Variants in THAP4 observed in about 807,000 individuals in gnomAD.
THAP4 encodes peroxynitrite isomerase THAP4.
In THAP4, 18 loss-of-function variants were observed where a neutral mutation model predicts 48.1. That is an observed-to-expected ratio of 0.37 (90% CI 0.26 to 0.56). The LOEUF is 0.56. THAP4 is among the 20% of genes least tolerant of loss of function. The pLI, the probability that THAP4 is intolerant of heterozygous loss-of-function variation, is 0.78. For synonymous variants in THAP4, 345 were observed against 324.9 expected (o/e 1.06, Z -0.66); for missense variants, 656 against 774.9 (o/e 0.85, Z 1.82).
chr2:241,624,580 T>C (rs1451521854), intron 2 of THAP4, among the ~76,000 whole-genome samples: 3 of 151,502 alleles, frequency 2.0e-5, no homozygotes, highest in South Asian at 2.1e-4. Flanking sequence ...CCCTGTGGAG[T>C]TGGGGTGCAC....
At chr2:241,631,253 G>A (rs900294210) in intron 2 of THAP4, among the ~76,000 whole-genome samples, 3 of 152,080 alleles carry the variant, frequency 2.0e-5, no homozygotes, top group Non-Finnish European at 1.5e-5. Flanking sequence ...GATCCAGGAG[G>A]TCCTGAAAAT....
intron 2 of THAP4, among the ~76,000 whole-genome samples, chr2:241,613,328 G>A (rs1348017533): frequency 6.6e-6 from 1 of 151,738 alleles, no homozygotes; most frequent in East Asian, 1.9e-4. Flanking sequence ...GGTTATAGGT[G>A]GTAGATGCCT....
intron 3 of THAP4, among the ~76,000 whole-genome samples, chr2:241,603,567 T>C (rs1165914279): frequency 6.6e-6 from 1 of 152,070 alleles, no homozygotes; most frequent in Non-Finnish European, 1.5e-5. Context: ...CCTCAGCTCC[T>C]GAAGACAGCA....
At chr2:241,585,912 CAA>C (rs1175852721) in intron 5 of THAP4, among the ~76,000 whole-genome samples, 6 of 28,282 alleles carry the variant, frequency 2.1e-4, no homozygotes, top group Non-Finnish European at 3.6e-4. Context: ...GACTCCTTCT[CAA>C]AAAAAAAAAA....
chr2:241,597,081 T>A (rs2067059147), intron 5 of THAP4, among the ~76,000 whole-genome samples: 1 of 152,224 alleles, frequency 6.6e-6, no homozygotes, highest in Non-Finnish European at 1.5e-5. Flanking sequence ...TCCATTACAA[T>A]CTTATGGCCT....
At position 241,616,098 on chromosome 2, in the gene THAP4, A is replaced by T. The variant is rs1379648798; in HGVS notation, c.1241-9625T>A. The stretch of plus-strand genomic sequence containing the variant: ...AGGTGAGCACAGCTGGCTCCTCAGA[A>T]GAACTGGGCTTATCTGAAGTCTGGT... On this transcript the variant is annotated intron_variant, in intron 2 of 5. Transcript: ENST00000407315. This position sits in a 1 kb window ranked among gnomAD's most constrained non-coding sequence, Gnocchi z 4.6. 6.6e-6 allele frequency among the ~76,000 whole-genome samples: 1 copy of T among 152,240 alleles called. No homozygotes were observed.
chr2:241,617,247 T>C (rs2067359823), intron 2 of THAP4, among the ~76,000 whole-genome samples: 2 of 152,250 alleles, frequency 1.3e-5, no homozygotes, highest in Admixed American at 1.3e-4. Flanking sequence ...ATTTGTCACT[T>C]TCCACCTCTT....
chr2:241,620,263 G>GATGA (rs1559230896), intron 2 of THAP4, among the ~76,000 whole-genome samples: 1 of 92,472 alleles, frequency 1.1e-5, no homozygotes. Flanking sequence ...GTGAGTGAGG[G>GATGA]GTGAGGGGTG....
At chr2:241,620,199 G>T (rs2067407801) in intron 2 of THAP4, among the ~76,000 whole-genome samples, 3 of 74,606 alleles carry the variant, frequency 4.0e-5, no homozygotes, top group African/African-American at 5.5e-5. Context: ...GAGGGGTGAG[G>T]AGTGAGTGAG....
rs71430352 is a variant in THAP4, at chr2:241,590,340, T to C, written c.1615-5615A>G. Among the ~76,000 whole-genome samples the C allele has an allele frequency of 1.5e-4, 21 of 142,322 alleles. No individual in the cohort carries two copies. The South Asian group carries it at 2.0e-3, about 13-fold the overall frequency. The allele number at this position is 142,322 out of a possible 152,430, so 93.4% of individuals were successfully genotyped here. ...AGGACACTCAGAGCTGCCCGGCTGA[T>C]GATGATGGGCACTAGGACACTCAGA... On this transcript the variant is annotated intron_variant, in intron 5 of 5. Coordinates refer to ENST00000407315, the MANE Select transcript of THAP4 (RefSeq NM_015963.6).
At chr2:241,617,572 A>C in intron 2 of THAP4, 1 of 1,018,064 alleles carries the variant, frequency 9.8e-7, no homozygotes. Context: ...CCACTATGAA[A>C]GATCACGTCT....
At chr2:241,614,837 C>T (rs779037736) in intron 2 of THAP4, among the ~76,000 whole-genome samples, 4 of 152,014 alleles carry the variant, frequency 2.6e-5, no homozygotes, top group African/African-American at 7.3e-5. Flanking sequence ...TGCGGTGAGC[C>T]GAGATTGCAC....
intron 2 of THAP4, among the ~76,000 whole-genome samples, chr2:241,608,062 T>C (rs754100762): frequency 6.6e-6 from 1 of 151,928 alleles, no homozygotes; most frequent in African/African-American, 2.4e-5. Flanking sequence ...CTTGGAACCA[T>C]CGCAGCTTCT....
chr2:241,630,810 G>T (rs143613706), intron 2 of THAP4, among the ~76,000 whole-genome samples: 1 of 151,562 alleles, frequency 6.6e-6, no homozygotes, highest in African/African-American at 2.4e-5. Flanking sequence ...CCGAGAGAAG[G>T]CCTGGTGTGG....
At chr2:241,629,294 A>G (rs2067530259) in intron 2 of THAP4, among the ~76,000 whole-genome samples, 1 of 151,798 alleles carries the variant, frequency 6.6e-6, no homozygotes, top group Admixed American at 6.6e-5. Flanking sequence ...ACATAGTAAG[A>G]CCCTATTGCT....
chr2:241,584,891 A>C, intron 5 of THAP4, 166 bp from the exon 6 acceptor site: 3 of 776,374 alleles, frequency 3.9e-6, no homozygotes, highest in Non-Finnish European at 4.2e-6. Flanking sequence ...GCATGTCACA[A>C]TCCAGGTGCC....
In THAP4 at chr2:241,615,841, G is replaced by A. The variant is rs113092095; in HGVS notation, c.1241-9368C>T. 5.5e-3 allele frequency among the ~76,000 whole-genome samples: 841 copies of A among 152,282 alleles called. 9 individuals are homozygous for A. The highest frequency in any genetic ancestry group is 0.02 in the African/African-American group (811 of 41,554). On this transcript the variant is annotated intron_variant, in intron 2 of 5. Coordinates refer to ENST00000407315, the MANE Select transcript of THAP4 (RefSeq NM_015963.6). ...GCACATCCCCGTGCCCCAAGCCCAC[G>A]GTTCCCGACACATCAGGAGAGCTCT...
Position 241,633,064 on chromosome 2 carries a change from G to C in THAP4, c.1093C>G (p.Gln365Glu), listed in dbSNP as rs751253638. 6.2e-7 allele frequency: 1 copy of C among 1,613,950 alleles called. No individual in the cohort carries two copies. Among genetic ancestry groups the C allele is most frequent in the East Asian group, 2.2e-5 (1 of 44,884 alleles). The change falls in exon 2 of 6, where the codon CAG (glutamine) becomes GAG (glutamate). Residue 365 changes from glutamine (Q) to glutamate (E), a missense_variant. Physicochemically the swap from Gln to Glu is conservative, Grantham distance 29. This residue lies in a region of THAP4 where 391 missense variants were observed against 412.4 expected (regional missense o/e 0.95). Transcript: ENST00000407315. This position sits in a 1 kb window ranked among gnomAD's most constrained non-coding sequence, Gnocchi z 7.5. ...AGCTCGCCGTTCTTCTTCTCCACCTGCTCCCGCAGGCAGCACACCTGGCTC... is the reference window on the plus strand; with the variant it reads ...AGCTCGCCGTTCTTCTTCTCCACCTCCTCCCGCAGGCAGCACACCTGGCTC... The part of the protein sequence containing the change: ...NKSQVCCLRE[Q>E]VEKKNGELKS...
At chr2:241,590,697 G>A (rs999620999) in intron 5 of THAP4, among the ~76,000 whole-genome samples, 2 of 151,794 alleles carry the variant, frequency 1.3e-5, no homozygotes, top group Non-Finnish European at 1.5e-5. Flanking sequence ...ATGATGATGG[G>A]CACTAGGACA....
Sources: gnomAD v4.1 joint callset for allele counts (sites outside exome capture counted in the v4.1 genomes callset) on GRCh38, gnomAD v4.1.1 for gene constraint, gnomAD v4.1.1 regional missense constraint, Gnocchi (gnomAD v3.1) non-coding constraint, MANE v1.5 for transcripts, NCBI Gene and HGNC (gene_info 2026-07-23, HGNC 2026-07-21) for gene names.